Variants in PAH observed in about 807,000 individuals in gnomAD.
The protein encoded by PAH is phenylalanine-4-hydroxylase.
Under a neutral mutation model 62.0 loss-of-function variants are expected in PAH, and 64 were observed. The ratio of observed to expected loss-of-function variants is 1.03; its 90% confidence interval spans 0.84 to 1.27. The LOEUF (loss-of-function observed/expected upper bound fraction) is 1.27. PAH is among the 50% of genes most tolerant of loss of function. The pLI, the probability that PAH is intolerant of heterozygous loss-of-function variation, is 0.00. For synonymous variants in PAH, 195 were observed against 196.2 expected (o/e 0.99, Z 0.05); for missense variants, 579 against 542.8 (o/e 1.07, Z -0.66).
At chr12:102,903,454 C>T (rs1171321978) in intron 2 of PAH, among the ~76,000 whole-genome samples, 1 of 151,660 alleles carries the variant, frequency 6.6e-6, no homozygotes, top group East Asian at 1.9e-4. Flanking sequence ...TATCAATAGG[C>T]CACAACCTCT....
At chr12:102,953,064 A>T (rs1476626600), upstream of PAH, among the ~76,000 whole-genome samples, 1 of 152,198 alleles carries the variant, frequency 6.6e-6, no homozygotes, top group Non-Finnish European at 1.5e-5. Context: ...GCCTTAGAAC[A>T]GCAGACACCC....
intron 5 of PAH, among the ~76,000 whole-genome samples, chr12:102,862,582 T>C (rs567723990): frequency 6.6e-6 from 1 of 152,040 alleles, no homozygotes; most frequent in South Asian, 2.1e-4. Context: ...AAAAAAAAAG[T>C]CCTTTTGAAA....
chr12:102,935,427 C>T (rs915064868), intron 1 of PAH, among the ~76,000 whole-genome samples: 2 of 151,934 alleles, frequency 1.3e-5, no homozygotes, highest in East Asian at 1.9e-4. Flanking sequence ...TTTGAAAGTA[C>T]TCCCTTCACT....
At chr12:102,892,992 A>T (rs1318184618) in intron 3 of PAH, among the ~76,000 whole-genome samples, 1 of 152,238 alleles carries the variant, frequency 6.6e-6, no homozygotes, top group Non-Finnish European at 1.5e-5. Context: ...TCTAAAAAAA[A>T]ATACCACACA....
intron 10 of PAH, 54 bp from the exon 11 acceptor site, chr12:102,843,833 C>T: frequency 1.9e-6 from 3 of 1,577,862 alleles, no homozygotes; most frequent in Non-Finnish European, 1.7e-6. Context: ...ATCAGTATTC[C>T]CTGCTGCATC....
intron 5 of PAH, among the ~76,000 whole-genome samples, chr12:102,860,879 C>G (rs1294931382): frequency 1.3e-5 from 2 of 152,136 alleles, no homozygotes; most frequent in East Asian, 3.9e-4. Context: ...ACCATAAAAA[C>G]CCTAGAAGAA....
At chr12:102,943,594 A>G (rs564875749) in intron 1 of PAH, among the ~76,000 whole-genome samples, 1 of 152,288 alleles carries the variant, frequency 6.6e-6, no homozygotes, top group East Asian at 1.9e-4. Flanking sequence ...TCATTCTACC[A>G]TAAAGATACC....
intron 4 of PAH, among the ~76,000 whole-genome samples, chr12:102,872,084 T>G (rs960271095): frequency 1.3e-5 from 2 of 151,592 alleles, no homozygotes; most frequent in Non-Finnish European, 2.9e-5. Context: ...GGACATATAT[T>G]TACTACTTAT....
chr12:102,864,805 C>CACA (rs1875880323), intron 5 of PAH, among the ~76,000 whole-genome samples: 1 of 131,896 alleles, frequency 7.6e-6, no homozygotes, highest in African/African-American at 2.7e-5. Context: ...ATAGAATCTG[C>CACA]AAAAAAAAAA....
In PAH at chr12:102,936,346, G is replaced by A. The variant is rs1879097911; in HGVS notation, c.-96+14243C>T. Among the ~76,000 whole-genome samples the A allele has an allele frequency of 2.0e-5, 3 of 152,112 alleles. No individual in the cohort carries two copies. The South Asian group carries it at 6.2e-4, about 32-fold the overall frequency. ...TGATCCATGAGCTGTGGAGAATAAT[G>A]TATATTCTGCAGCCATTGAATGAAA... On this transcript the variant is annotated intron_variant, in intron 1 of 3. Transcript: ENST00000546844.
In PAH at chr12:102,837,935, AG is replaced by A. The variant is rs1383270205; in HGVS notation, c.*1239del. ...AGATTCAAATTGGGTGGAGCTGGGA[AG>A]GTACCCAGAATTTGCTGTTGATGAT... On this transcript the variant is annotated 3_prime_UTR_variant, in exon 13 of 13. Transcript: ENST00000553106. The A allele has an allele frequency of 1.3e-5, 2 of 152,248 alleles. No homozygotes were observed. Among genetic ancestry groups the A allele is most frequent in the African/African-American group, 4.8e-5 (2 of 41,472 alleles). 9.4% of individuals were successfully genotyped at this position (152,248 alleles called of 1,614,324 possible). A position where few individuals can be genotyped will look rare whatever the true frequency, so the allele number is the denominator to read the frequency against.
intron 4 of PAH, among the ~76,000 whole-genome samples, chr12:102,869,746 T>C (rs904287194): frequency 2.0e-5 from 3 of 152,202 alleles, no homozygotes; most frequent in African/African-American, 7.2e-5. Flanking sequence ...CAGAGAGCTC[T>C]GTGGCCTGAC....
intron 1 of PAH, among the ~76,000 whole-genome samples, chr12:102,922,819 T>A (rs1320764622): frequency 6.6e-6 from 1 of 152,186 alleles, no homozygotes; most frequent in African/African-American, 2.4e-5. Context: ...TACTGACAAA[T>A]TACCCTTTAG....
In PAH at chr12:102,838,172, C is replaced by T. The variant is rs1874439434; in HGVS notation, c.*1003G>A. 6.6e-6 allele frequency: 1 copy of T among 152,128 alleles called. No individual in the cohort carries two copies. Among genetic ancestry groups the T allele is most frequent in the African/African-American group, 2.4e-5 (1 of 41,420 alleles). 9.4% of individuals were successfully genotyped at this position (152,128 alleles called of 1,614,324 possible). On this transcript the variant is annotated 3_prime_UTR_variant, in exon 13 of 13. Transcript: ENST00000553106. ...AGTCAAAGTCCGTTGACTGTCCAGG[C>T]ATGACTTTGAGTGTCACAAGGAGCC...
intron 4 of PAH, among the ~76,000 whole-genome samples, chr12:102,870,366 G>C (rs376134448): frequency 6.6e-6 from 1 of 152,138 alleles, no homozygotes; most frequent in East Asian, 1.9e-4. Flanking sequence ...GGAGTGGCCA[G>C]TTTATCTCTC....
intron 3 of PAH, among the ~76,000 whole-genome samples, chr12:102,893,991 G>T (rs1877387596): frequency 1.3e-5 from 2 of 152,188 alleles, no homozygotes; most frequent in African/African-American, 2.4e-5. Context: ...GACAATGAAA[G>T]CCCTAGTAAC....
At chr12:102,940,634 T>G (rs1377397709) in intron 1 of PAH, among the ~76,000 whole-genome samples, 1 of 152,164 alleles carries the variant, frequency 6.6e-6, no homozygotes, top group Non-Finnish European at 1.5e-5. Context: ...AAAACAAAAT[T>G]TTTAAAATAA....
At chr12:102,840,335 G>A (rs1477964250) in intron 12 of PAH, 65 bp downstream of exon 12, 2 of 957,132 alleles carry the variant, frequency 2.1e-6, no homozygotes, top group Non-Finnish European at 3.4e-6. Context: ...CTATGGCGAT[G>A]GTAGGGAAAG....
At chr12:102,875,409 CAG>C (rs1156833094) in intron 4 of PAH, among the ~76,000 whole-genome samples, 2 of 152,178 alleles carry the variant, frequency 1.3e-5, no homozygotes, top group Admixed American at 6.5e-5. Context: ...GGCAGGAAGA[CAG>C]GAGTTTGGTA....
Sources: gnomAD v4.1 joint callset for allele counts (sites outside exome capture counted in the v4.1 genomes callset) on GRCh38, gnomAD v4.1.1 for gene constraint, MANE v1.5 for transcripts, NCBI Gene and HGNC (gene_info 2026-07-23, HGNC 2026-07-21) for gene names.